BMPR1A: variants seen among roughly 807,000 people sequenced by gnomAD.
The protein encoded by BMPR1A is bone morphogenetic protein receptor type 1A, also known as bone morphogenetic protein receptor type-1A.
In BMPR1A, 7 loss-of-function variants were observed where a neutral mutation model predicts 66.0. That is an observed-to-expected ratio of 0.11 (90% CI 0.06 to 0.20). The LOEUF is 0.20. Ranked by LOEUF, BMPR1A falls within the 10% of genes least tolerant of loss-of-function variation. The pLI, the probability that BMPR1A is intolerant of heterozygous loss-of-function variation, is 1.00. For synonymous variants in BMPR1A, 200 were observed against 229.7 expected (o/e 0.87, Z 1.17); for missense variants, 408 against 669.1 (o/e 0.61, Z 4.31).
chr10:86,760,248 C>CT (rs60211336), intron 1 of BMPR1A, among the ~76,000 whole-genome samples: 848 of 17,006 alleles, frequency 0.05, 51 homozygotes, highest in African/African-American at 0.066. Context: ...TTCTTTCTTT[C>CT]TTTTTTTTTT....
intron 2 of BMPR1A, among the ~76,000 whole-genome samples, chr10:86,847,721 TTAA>T (rs1189132401): frequency 6.6e-6 from 1 of 151,758 alleles, no homozygotes; most frequent in African/African-American, 2.4e-5. Flanking sequence ...AAGCAGCCTA[TTAA>T]TAAGTTCCTA....
chr10:86,881,683 A>G (rs1426923411), intron 3 of BMPR1A, among the ~76,000 whole-genome samples: 1 of 152,218 alleles, frequency 6.6e-6, no homozygotes, highest in Non-Finnish European at 1.5e-5. Flanking sequence ...GGATGTGATC[A>G]GAAATTCCAG....
intron 8 of BMPR1A, 53 bp from the exon 9 acceptor site, chr10:86,917,081 C>G (rs1843581326): frequency 6.3e-7 from 1 of 1,590,618 alleles, no homozygotes; most frequent in African/African-American, 1.4e-5. Context: ...CTTTGCCAGT[C>G]TTAATGGGTT....
intron 7 of BMPR1A, among the ~76,000 whole-genome samples, chr10:86,905,924 A>C (rs1843378765): frequency 6.6e-6 from 1 of 152,170 alleles, no homozygotes; most frequent in Non-Finnish European, 1.5e-5. Flanking sequence ...ATAAGAAAAA[A>C]TGCCCTATAT....
intron 2 of BMPR1A, among the ~76,000 whole-genome samples, chr10:86,853,387 A>G (rs1051137792): frequency 1.3e-5 from 2 of 152,112 alleles, no homozygotes; most frequent in Admixed American, 6.5e-5. Flanking sequence ...CTATTTTTAC[A>G]TTAGAAAAAA....
Position 86,907,863 on chromosome 10 carries a change from G to A in BMPR1A, c.531-4377G>A, listed in dbSNP as rs192772303. On this transcript the variant is annotated intron_variant, in intron 7 of 12. Transcript: ENST00000372037. ...ATGGATGAAGAGAGGTTGATTAAGG[G>A]GCACAAAAATACAATTACTAATAGA... is the stretch of plus-strand genomic sequence containing the variant. Among the ~76,000 whole-genome samples the A allele has an allele frequency of 9.9e-5, 15 of 152,080 alleles. No homozygotes were observed. The East Asian group carries it at 2.5e-3, about 25-fold the overall frequency.
chr10:86,863,096 C>T (rs1221005363), intron 2 of BMPR1A, among the ~76,000 whole-genome samples: 1 of 151,840 alleles, frequency 6.6e-6, no homozygotes, highest in Non-Finnish European at 1.5e-5. Context: ...TCTCCTACCT[C>T]GGCCTCAAGT....
intron 2 of BMPR1A, among the ~76,000 whole-genome samples, chr10:86,873,273 A>G (rs905543277): frequency 6.6e-6 from 1 of 152,034 alleles, no homozygotes; most frequent in Admixed American, 6.6e-5. Context: ...GGTACCTAAC[A>G]CTGGGTCGGT....
intron 2 of BMPR1A, among the ~76,000 whole-genome samples, chr10:86,875,147 C>T (rs1032835674): frequency 1.2e-4 from 18 of 151,632 alleles, no homozygotes; most frequent in African/African-American, 3.4e-4. Flanking sequence ...CTGAGGCTGG[C>T]GGATCACCTG....
At chr10:86,889,781 A>G in intron 3 of BMPR1A, 1 of 354,484 alleles carries the variant, frequency 2.8e-6, no homozygotes, top group East Asian at 5.4e-5. Flanking sequence ...AAAAAACAAG[A>G]TTTGACTGTA....
intron 2 of BMPR1A, among the ~76,000 whole-genome samples, chr10:86,849,650 G>C (rs760053239): frequency 6.6e-6 from 1 of 152,200 alleles, no homozygotes; most frequent in Non-Finnish European, 1.5e-5. Context: ...TTAGCCACTT[G>C]TATTTTGACT....
chr10:86,830,261 A>G (rs185917649), intron 1 of BMPR1A, among the ~76,000 whole-genome samples: 109 of 152,348 alleles, frequency 7.2e-4, no homozygotes, highest in African/African-American at 1.6e-3. Flanking sequence ...AGACACCTTG[A>G]CGGGAGGTTT....
At chr10:86,794,356 T>A (rs1373207898) in intron 1 of BMPR1A, among the ~76,000 whole-genome samples, 1 of 152,190 alleles carries the variant, frequency 6.6e-6, no homozygotes. Context: ...TCTCTGTACT[T>A]GTTTCTTCTT....
intron 1 of BMPR1A, among the ~76,000 whole-genome samples, chr10:86,824,081 T>G (rs866204181): frequency 3.9e-4 from 37 of 94,128 alleles, no homozygotes; most frequent in East Asian, 1.5e-3. Context: ...TTACCAAGGG[T>G]TGTGTGTGTG....
chr10:86,789,339 G>A (rs1166809559), intron 1 of BMPR1A, among the ~76,000 whole-genome samples: 5 of 152,112 alleles, frequency 3.3e-5, no homozygotes, highest in African/African-American at 1.2e-4. Flanking sequence ...GGACGCTGTC[G>A]AGTGAGAAAA....
intron 2 of BMPR1A, chr10:86,855,158 G>T: frequency 2.4e-6 from 1 of 425,338 alleles, no homozygotes; most frequent in Non-Finnish European, 4.2e-6. Context: ...CTGACATCAG[G>T]TGATCAACCT....
intron 1 of BMPR1A, among the ~76,000 whole-genome samples, chr10:86,771,135 T>C (rs865781106): frequency 2.6e-5 from 4 of 152,240 alleles, no homozygotes; most frequent in South Asian, 2.1e-4. Context: ...TATTATATGA[T>C]AACCCTTTTA....
Position 86,919,279 on chromosome 10 carries a change from C to G in BMPR1A, c.976C>G (p.Leu326Val), listed in dbSNP as rs1554891050. ...CTATGACTTCCTGAAATGTGCTACA[C>G]TGGACACCAGAGCCCTGCTTAAATT... ...SLYDFLKCATLDTRALLKLAY... is the reference protein window; with the variant it reads ...SLYDFLKCATVDTRALLKLAY... Residue 326 changes from leucine (L) to valine (V), a missense_variant, in exon 10 of 13, where the codon CTG becomes GTG. Leu to Val is a conservative substitution (Grantham distance 32). Coordinates refer to ENST00000372037, the MANE Select transcript of BMPR1A (RefSeq NM_004329.3). 1 of 1,613,986 alleles carries G rather than the reference C, an allele frequency of 6.2e-7. No individual in the cohort carries two copies. Among genetic ancestry groups the G allele is most frequent in the Non-Finnish European group, 8.5e-7 (1 of 1,179,870 alleles).
chr10:86,847,931 G>C (rs1842509357), intron 2 of BMPR1A, among the ~76,000 whole-genome samples: 1 of 150,550 alleles, frequency 6.6e-6, no homozygotes, highest in Non-Finnish European at 1.5e-5. Context: ...TATAGAAAAT[G>C]ATACTTTTTT....
Sources: gnomAD v4.1 joint callset for allele counts (sites outside exome capture counted in the v4.1 genomes callset) on GRCh38, gnomAD v4.1.1 for gene constraint, MANE v1.5 for transcripts, NCBI Gene and HGNC (gene_info 2026-07-23, HGNC 2026-07-21) for gene names.